Variants in DOCK1 observed in about 807,000 individuals in gnomAD.
The protein encoded by DOCK1 is dedicator of cytokinesis protein 1.
In DOCK1, 138 loss-of-function variants were observed where a neutral mutation model predicts 262.7. The ratio of observed to expected loss-of-function variants is 0.53; its 90% confidence interval spans 0.46 to 0.61. The LOEUF (loss-of-function observed/expected upper bound fraction) is 0.61, where lower values mean the gene tolerates loss of function less well. Among genes scored for constraint, DOCK1 ranks in the 20% least tolerant of loss-of-function variants. DOCK1 has a pLI of 0.00. For synonymous variants in DOCK1, 866 were observed against 867.4 expected, an observed-to-expected ratio of 1.00 and a Z score of 0.03; for missense variants, 1,908 against 2,370.7, an observed-to-expected ratio of 0.80 and a Z score of 4.05.
intron 2 of DOCK1, among the ~76,000 whole-genome samples, chr10:126,977,289 AGT>A (rs1305714213): frequency 2.0e-5 from 3 of 152,044 alleles, no homozygotes; most frequent in Non-Finnish European, 4.4e-5. Flanking sequence ...GGATGGTTCG[AGT>A]GTGTCTTTCT....
intron 27 of DOCK1, among the ~76,000 whole-genome samples, chr10:127,228,550 C>A (rs2134525540): frequency 6.6e-6 from 1 of 152,278 alleles, no homozygotes; most frequent in South Asian, 2.1e-4. Context: ...TGGTCGTAGC[C>A]TTTGCCATGT....
rs142182142 is a variant in DOCK1, at chr10:127,175,720, C to G, written c.2847+47956C>G. On this transcript the variant is annotated intron_variant, in intron 27 of 51. Transcript: ENST00000623213. The surrounding 1 kb of genome is among the most constrained non-coding windows in gnomAD (Gnocchi z 6.3). ...CTCCCCCGGTCCTGCTTGGCCCTCCCGAGCAGCTGGTAATCGGGCTCTTCG... is the reference window on the plus strand; with the variant it reads ...CTCCCCCGGTCCTGCTTGGCCCTCCGGAGCAGCTGGTAATCGGGCTCTTCG... The G allele has an allele frequency of 3.1e-6, 5 of 1,613,976 alleles. No homozygotes were observed. Among genetic ancestry groups the G allele is most frequent in the South Asian group, 1.1e-5 (1 of 91,078 alleles).
chr10:127,016,928 C>G (rs986202564), intron 12 of DOCK1, among the ~76,000 whole-genome samples: 2 of 144,818 alleles, frequency 1.4e-5, no homozygotes, highest in Admixed American at 1.4e-4. Flanking sequence ...ACACACCACA[C>G]ACACACACAC....
chr10:127,034,859 C>G (rs1017054119), intron 18 of DOCK1, among the ~76,000 whole-genome samples: 4 of 129,374 alleles, frequency 3.1e-5, no homozygotes, highest in Non-Finnish European at 3.6e-5. Context: ...CCTTATGACC[C>G]TGGAGAAAGG....
intron 1 of DOCK1, among the ~76,000 whole-genome samples, chr10:126,969,043 C>T (rs998531916): frequency 3.3e-5 from 5 of 152,084 alleles, no homozygotes; most frequent in Admixed American, 1.3e-4. Flanking sequence ...ATTCAGGTAG[C>T]GGTAGACATC....
chr10:127,264,072 G>A (rs1471562258), intron 29 of DOCK1, among the ~76,000 whole-genome samples: 1 of 152,304 alleles, frequency 6.6e-6, no homozygotes, highest in African/African-American at 2.4e-5. Context: ...GGCCAGTACT[G>A]AATGTAATTT....
chr10:126,990,643 C>G (rs1371444866), intron 6 of DOCK1, 40 bp downstream of exon 6: 2 of 1,602,538 alleles, frequency 1.2e-6, no homozygotes, highest in South Asian at 2.2e-5. Flanking sequence ...TTAAATTATC[C>G]AATGTAATAA....
chr10:126,933,157 G>A (rs915192405), intron 1 of DOCK1, among the ~76,000 whole-genome samples: 1 of 152,094 alleles, frequency 6.6e-6, no homozygotes, highest in Non-Finnish European at 1.5e-5. Context: ...ATTCTGTGGA[G>A]GTGTTGAGAT....
At chr10:127,173,421 A>G (rs2054765309) in intron 27 of DOCK1, among the ~76,000 whole-genome samples, 1 of 152,114 alleles carries the variant, frequency 6.6e-6, no homozygotes, top group Admixed American at 6.5e-5. Flanking sequence ...ATTTAAAGCA[A>G]TCTTCCATAC....
intron 22 of DOCK1, among the ~76,000 whole-genome samples, chr10:127,058,157 A>G (rs1665617306): frequency 6.6e-6 from 1 of 151,420 alleles, no homozygotes; most frequent in South Asian, 2.1e-4. Context: ...TGGTTGGCAC[A>G]AGAGAAACTG....
chr10:127,365,576 G>A (rs1239019723), intron 33 of DOCK1, among the ~76,000 whole-genome samples: 1 of 152,198 alleles, frequency 6.6e-6, no homozygotes, highest in Non-Finnish European at 1.5e-5. Context: ...ATAGATAAAT[G>A]TCACTGGCAC....
chr10:127,150,127 T>TG (rs1240526349), intron 27 of DOCK1, among the ~76,000 whole-genome samples: 1 of 152,216 alleles, frequency 6.6e-6, no homozygotes, highest in Non-Finnish European at 1.5e-5. Flanking sequence ...CTGGCTCACT[T>TG]GGAGTCTATA....
chr10:126,969,293 C>T (rs1180938182), intron 1 of DOCK1, among the ~76,000 whole-genome samples: 1 of 152,212 alleles, frequency 6.6e-6, no homozygotes, highest in Non-Finnish European at 1.5e-5. Flanking sequence ...TGCTGCCCTA[C>T]CCACTTTAGC....
rs937279507 is a variant in DOCK1 at position 127,015,635 on chromosome 10, G to A, written c.1202-3075G>A. ...AAGGGGCACCGTCTCTGTAAGCTGC[G>A]CCTCCTCCTACCCCAACTCCCCGTG... On this transcript the variant is annotated intron_variant, in intron 12 of 51. Coordinates refer to ENST00000623213, the MANE Select transcript of DOCK1 (RefSeq NM_001290223.2). Among the ~76,000 whole-genome samples, 10 of 152,050 alleles carry A rather than the reference G, an allele frequency of 6.6e-5. 1 individual carries two copies. Among genetic ancestry groups the A allele is most frequent in the Admixed American group, 1.3e-4 (2 of 15,272 alleles).
Position 127,004,226 on chromosome 10 carries a change from C to T in DOCK1, c.985+3919C>T, listed in dbSNP as rs562579303. 5.9e-4 allele frequency among the ~76,000 whole-genome samples: 87 copies of T among 147,748 alleles called. No individual in the cohort carries two copies. The South Asian group carries it at 0.016, about 27-fold the overall frequency. On this transcript the variant is annotated intron_variant, in intron 10 of 51. Coordinates refer to ENST00000623213, the MANE Select transcript of DOCK1 (RefSeq NM_001290223.2). ...CCAAGATCACGCCAGAGTGATGGGG[C>T]GAGACTCCATCTCAAAAAAAAAAAG...
chr10:127,129,664 A>G (rs2050189498), intron 27 of DOCK1, among the ~76,000 whole-genome samples: 2 of 152,112 alleles, frequency 1.3e-5, no homozygotes, highest in African/African-American at 2.4e-5. Context: ...CCGCAGGTGC[A>G]CTCTGCACAG....
chr10:127,279,222 A>T (rs2060856011), intron 29 of DOCK1, among the ~76,000 whole-genome samples: 1 of 152,250 alleles, frequency 6.6e-6, no homozygotes. Context: ...AATTATTATT[A>T]AAGGTAATGA....
At chr10:126,941,581 C>A (rs1285166566) in intron 1 of DOCK1, among the ~76,000 whole-genome samples, 5 of 152,106 alleles carry the variant, frequency 3.3e-5, no homozygotes, top group East Asian at 1.9e-4. Context: ...ACGGTGAAAC[C>A]CTGTCTCTAC....
intron 29 of DOCK1, among the ~76,000 whole-genome samples, chr10:127,294,581 C>T (rs1019425915): frequency 6.6e-6 from 1 of 152,142 alleles, no homozygotes; most frequent in Non-Finnish European, 1.5e-5. Flanking sequence ...CCTGGCCTCC[C>T]AAAGTGCTGA....
Sources: gnomAD v4.1 joint callset for allele counts (sites outside exome capture counted in the v4.1 genomes callset) on GRCh38, gnomAD v4.1.1 for gene constraint, Gnocchi (gnomAD v3.1) non-coding constraint, MANE v1.5 for transcripts, NCBI Gene and HGNC (gene_info 2026-07-23, HGNC 2026-07-21) for gene names.